Variants in OXR1 observed in about 807,000 individuals in gnomAD.
OXR1 encodes oxidation resistance 1.
OXR1 carries 41 observed loss-of-function variants against 104.6 expected under a neutral mutation model. The ratio of observed to expected loss-of-function variants is 0.39; its 90% CI spans 0.31 to 0.51. The LOEUF (loss-of-function observed/expected upper bound fraction) is 0.51, where lower values mean the gene tolerates loss of function less well. OXR1 is among the 20% of genes least tolerant of loss of function. The probability of loss-of-function intolerance (pLI) is 0.77; values close to 1 mark genes in which losing one functional copy is unlikely to be tolerated. For missense variants in OXR1, 955 were observed against 1,031.9 expected (o/e 0.93, Z 1.02); for synonymous variants, 348 against 348.4 (o/e 1.00, Z 0.01).
intron 1 of OXR1, among the ~76,000 whole-genome samples, chr8:106,303,572 A>G (rs561080721): frequency 3.3e-5 from 5 of 152,144 alleles, no homozygotes; most frequent in East Asian, 1.9e-4. Context: ...ACTTCATTCA[A>G]TCATTCAAGG....
At chr8:106,474,570 A>G (rs1004397478) in intron 2 of OXR1, among the ~76,000 whole-genome samples, 2 of 151,934 alleles carry the variant, frequency 1.3e-5, no homozygotes, top group Non-Finnish European at 2.9e-5. Flanking sequence ...GTGACACATG[A>G]AAACTACATA....
intron 3 of OXR1, among the ~76,000 whole-genome samples, chr8:106,669,254 G>T (rs926642091): frequency 6.6e-6 from 1 of 152,084 alleles, no homozygotes; most frequent in Non-Finnish European, 1.5e-5. Context: ...TTCATTTTAG[G>T]GTGGGGATTG....
intron 7 of OXR1, 30 bp from the exon 8 acceptor site, chr8:106,702,876 A>G: frequency 1.3e-6 from 2 of 1,557,842 alleles, no homozygotes; most frequent in Non-Finnish European, 1.8e-6. Flanking sequence ...AACCTTGAGG[A>G]TTAAATGTTA....
intron 11 of OXR1, among the ~76,000 whole-genome samples, chr8:106,723,679 AAAAC>A (rs139333777): frequency 0.29 from 43,983 of 151,684 alleles, 8,123 homozygotes; most frequent in African/African-American, 0.53. Context: ...CTCAAAACAA[AAAAC>A]AAACAAACAA....
intron 7 of OXR1, among the ~76,000 whole-genome samples, chr8:106,693,108 C>T (rs536433443): frequency 2.6e-5 from 4 of 152,140 alleles, no homozygotes; most frequent in South Asian, 2.1e-4. Flanking sequence ...TTCACTAAGG[C>T]ACAGCTAAGT....
chr8:106,480,570 G>A (rs951916949), intron 2 of OXR1, among the ~76,000 whole-genome samples: 4 of 151,720 alleles, frequency 2.6e-5, no homozygotes, highest in South Asian at 4.1e-4. Context: ...TCATTCTTTC[G>A]TGTGTTTCTA....
chr8:106,464,483 A>G (rs1214282300), intron 2 of OXR1, among the ~76,000 whole-genome samples: 1 of 152,078 alleles, frequency 6.6e-6, no homozygotes, highest in Non-Finnish European at 1.5e-5. Flanking sequence ...ACAAAGACAT[A>G]AAGAAGAAAC....
intron 3 of OXR1, among the ~76,000 whole-genome samples, chr8:106,534,306 T>C (rs1265655635): frequency 1.3e-5 from 2 of 152,220 alleles, no homozygotes; most frequent in Non-Finnish European, 2.9e-5. Flanking sequence ...TCCCAAGTTA[T>C]CATCCTGAAT....
chr8:106,590,275 T>TTTGTTGTTG (rs537746922), intron 3 of OXR1, among the ~76,000 whole-genome samples: 2 of 151,754 alleles, frequency 1.3e-5, no homozygotes, highest in Admixed American at 1.3e-4. Context: ...GTTTTTGGTT[T>TTTGTTGTTG]TTGTTGTTGT....
chr8:106,578,787 G>T (rs1488796632), intron 3 of OXR1, among the ~76,000 whole-genome samples: 1 of 152,064 alleles, frequency 6.6e-6, no homozygotes, highest in Non-Finnish European at 1.5e-5. Context: ...TTCATTACTT[G>T]GCAAAATAGT....
intron 3 of OXR1, among the ~76,000 whole-genome samples, chr8:106,540,827 ATC>A (rs1814900859): frequency 6.6e-6 from 1 of 152,198 alleles, no homozygotes; most frequent in Admixed American, 6.6e-5. Flanking sequence ...AAACCATCAG[ATC>A]TCGTGAGACT....
intron 2 of OXR1, among the ~76,000 whole-genome samples, chr8:106,508,053 G>A (rs1214529720): frequency 6.6e-6 from 1 of 152,124 alleles, no homozygotes; most frequent in African/African-American, 2.4e-5. Flanking sequence ...ATCTCACCAG[G>A]ACACTGCTTC....
intron 8 of OXR1, among the ~76,000 whole-genome samples, chr8:106,705,172 C>A (rs1831026690): frequency 1.3e-5 from 2 of 152,084 alleles, no homozygotes; most frequent in Non-Finnish European, 2.9e-5. Flanking sequence ...TCTTCTAATT[C>A]TTTAAATGTA....
intron 1 of OXR1, among the ~76,000 whole-genome samples, chr8:106,302,761 TG>T (rs1813298254): frequency 6.6e-6 from 1 of 152,056 alleles, no homozygotes; most frequent in Non-Finnish European, 1.5e-5. Flanking sequence ...TTTGTTTGTT[TG>T]TTTTTTTGAG....
chr8:106,675,259 A>G (rs1827461776), intron 3 of OXR1, among the ~76,000 whole-genome samples: 2 of 152,204 alleles, frequency 1.3e-5, no homozygotes, highest in African/African-American at 4.8e-5. Flanking sequence ...ATAATCAGAC[A>G]AAAACAAATC....
chr8:106,610,881 C>A (rs535002420), intron 3 of OXR1, among the ~76,000 whole-genome samples: 1 of 152,350 alleles, frequency 6.6e-6, no homozygotes, highest in African/African-American at 2.4e-5. Flanking sequence ...CACAGTCCTT[C>A]CGTCAATAAG....
chr8:106,414,429 C>T (rs532320569), intron 2 of OXR1, among the ~76,000 whole-genome samples: 7 of 151,966 alleles, frequency 4.6e-5, no homozygotes, highest in African/African-American at 1.2e-4. Flanking sequence ...CATTGTGACA[C>T]GATTATTATA....
At chr8:106,495,082 G>T (rs1045479366) in intron 2 of OXR1, among the ~76,000 whole-genome samples, 1 of 151,862 alleles carries the variant, frequency 6.6e-6, no homozygotes, top group African/African-American at 2.4e-5. Context: ...TTGTGATTCA[G>T]TACATGAGTA....
At chr8:106,545,993 C>CAAAA in intron 3 of OXR1, among the ~76,000 whole-genome samples, 1 of 141,578 alleles carries the variant, frequency 7.1e-6, no homozygotes, top group Non-Finnish European at 1.5e-5. Context: ...GAGATTCTGT[C>CAAAA]AAAAAAAAAA....
Sources: gnomAD v4.1 joint callset for allele counts (sites outside exome capture counted in the v4.1 genomes callset) on GRCh38, gnomAD v4.1.1 for gene constraint, MANE v1.5 for transcripts, NCBI Gene and HGNC (gene_info 2026-07-23, HGNC 2026-07-21) for gene names.